Variants in TULP1 observed in about 807,000 individuals in gnomAD.
TULP1 encodes the protein tubby-related protein 1.
A neutral mutation model predicts 67.1 loss-of-function variants in TULP1; 50 were observed. That is an observed-to-expected ratio of 0.75 (90% CI 0.59 to 0.94). TULP1 has a LOEUF of 0.94. Among genes scored for constraint, TULP1 ranks in the 40% least tolerant of loss-of-function variants. TULP1 has a pLI of 0.00. For missense variants in TULP1, 746 were observed against 734.1 expected, an observed-to-expected ratio of 1.02 and a Z score of -0.19; for synonymous variants, 297 against 294.0, an observed-to-expected ratio of 1.01 and a Z score of -0.11.
chr6:35,511,799 C>T lies in TULP1; in HGVS notation c.198G>A (p.Arg66=), dbSNP rs1276396825. 2 of 1,553,634 alleles carry T rather than the reference C, an allele frequency of 1.3e-6. No homozygotes were observed. The highest frequency in any genetic ancestry group is 2.7e-5 in the African/African-American group (2 of 73,432). Reference sequence around the variant, plus strand: ...AAGGCTCCTCCCGCGGCCTCCCCGTCCGCCCAGCTGAGCCGAGATGCGGGG... The same window carrying T: ...AAGGCTCCTCCCGCGGCCTCCCCGTTCGCCCAGCTGAGCCGAGATGCGGGG... ...GSKPRKPGAG[R]TGRPREEPSP... is the part of the protein sequence containing the mutation. The change falls in exon 4 of 15, where the codon CGG becomes CGA. Residue 66 remains arginine (R), a synonymous_variant. Transcript: ENST00000229771.
chr6:35,498,982 C>T lies in TULP1; in HGVS notation c.1496-522G>A, dbSNP rs1768771497. Among the ~76,000 whole-genome samples, 1 of 152,130 alleles carries T rather than the reference C, an allele frequency of 6.6e-6. No individual in the cohort carries two copies. On this transcript the variant is annotated intron_variant, in intron 14 of 14. Transcript: ENST00000229771. This position sits in a 1 kb window ranked among gnomAD's most constrained non-coding sequence, Gnocchi z 6.7. Reference sequence around the variant, plus strand: ...TAGGGACAGGAAGTTGCTAAAAATACCCCCAAACTCAGGTGGACGAGGCTC... The same window carrying T: ...TAGGGACAGGAAGTTGCTAAAAATATCCCCAAACTCAGGTGGACGAGGCTC...
intron 10 of TULP1, 34 bp from the exon 11 acceptor site, chr6:35,505,887 A>G (rs2150925303): frequency 6.2e-7 from 1 of 1,614,154 alleles, no homozygotes; most frequent in East Asian, 2.2e-5. Flanking sequence ...AGAGGATGGG[A>G]AGAGAAGGTG....
chr6:35,505,025 G>A (rs753897288), intron 11 of TULP1, among the ~76,000 whole-genome samples: 3 of 152,008 alleles, frequency 2.0e-5, no homozygotes, highest in Admixed American at 6.5e-5. Context: ...CAACCTCCCC[G>A]TCTTGGGTTC....
At position 35,498,076 on chromosome 6, in the gene TULP1, A is replaced by G; in HGVS notation, c.*251T>C. On this transcript the variant is annotated 3_prime_UTR_variant, in exon 15 of 15. Transcript: ENST00000229771. The surrounding 1 kb of genome is among the most constrained non-coding windows in gnomAD (Gnocchi z 6.7). ...GGAGGGGGGCACAGCGGCGCAGGCG[A>G]GCTCCGAGACCAGATGTGCGGCTCC... 1 of 619,270 alleles carries G rather than the reference A, an allele frequency of 1.6e-6. No individual in the cohort carries two copies. Among genetic ancestry groups the G allele is most frequent in the Non-Finnish European group, 2.8e-6 (1 of 356,626 alleles). 38.4% of individuals were successfully genotyped at this position (619,270 alleles called of 1,614,324 possible).
chr6:35,506,403 T>C, intron 8 of TULP1, 124 bp from the exon 9 acceptor site: 1 of 1,228,886 alleles, frequency 8.1e-7, no homozygotes, highest in South Asian at 1.3e-5. Context: ...TCTGGGGAGC[T>C]CTGTGATTTA....
In TULP1 at chr6:35,510,937, C is replaced by T; in HGVS notation, c.423G>A (p.Leu141=). The T allele has an allele frequency of 6.2e-7, 1 of 1,613,624 alleles. No individual in the cohort carries two copies. The highest frequency in any genetic ancestry group is 1.3e-5 in the African/African-American group (1 of 75,022). Reference sequence around the variant, plus strand: ...TCTCTCTCAGGGGCTTCTTGGGAGGCAGAAGGATTTTCTCTTTCTTTTCCT... The same window carrying T: ...TCTCTCTCAGGGGCTTCTTGGGAGGTAGAAGGATTTTCTCTTTCTTTTCCT... The part of the protein sequence containing the change: ...EAEEKKEKIL[L]PPKKPLREKS... The change falls in exon 5 of 15, where the codon CTG becomes CTA. Residue 141 remains leucine, a synonymous_variant. Coordinates refer to ENST00000229771, the MANE Select transcript of TULP1 (RefSeq NM_003322.6).
In TULP1 at chr6:35,512,831, C is replaced by T; in HGVS notation, c.28G>A (p.Glu10Lys). The T allele has an allele frequency of 6.2e-7, 1 of 1,613,040 alleles. No homozygotes were observed. Among genetic ancestry groups the T allele is most frequent in the Non-Finnish European group, 8.5e-7 (1 of 1,179,906 alleles). The change falls in exon 1 of 15, where the codon GAG (glutamate) becomes AAG (lysine). Residue 10 changes from glutamate to lysine, a missense_variant. Physicochemically the swap from Glu to Lys is moderately conservative, Grantham distance 56. Transcript: ENST00000229771. MPLRDETLR[E>K]VWASDSGHEE... ...CCAGACCTGTCAGAGGCCCACACCT[C>T]TCGGAGGGTTTCATCCCGCAGAGGC...
intron 13 of TULP1, among the ~76,000 whole-genome samples, chr6:35,501,273 G>A (rs79722771): frequency 2.6e-5 from 4 of 152,034 alleles, no homozygotes; most frequent in Non-Finnish European, 2.9e-5. Context: ...TTGAGAAGCC[G>A]AGACGAGAGG....
intron 8 of TULP1, among the ~76,000 whole-genome samples, chr6:35,508,786 G>T (rs1017085124): frequency 2.6e-5 from 4 of 152,306 alleles, no homozygotes; most frequent in Middle Eastern, 3.4e-3. Context: ...TGGGTAAGGT[G>T]AGTGAAAGCG....
chr6:35,512,747 C>T, intron 1 of TULP1, 57 bp from the exon 2 acceptor site: 1 of 1,610,898 alleles, frequency 6.2e-7, no homozygotes, highest in Non-Finnish European at 8.5e-7. Flanking sequence ...CCATCCCACC[C>T]ACTCCCCATC....
At chr6:35,504,255 C>G in intron 11 of TULP1, 1 of 242,650 alleles carries the variant, frequency 4.1e-6, no homozygotes, top group Non-Finnish European at 8.2e-6. Context: ...GGGAGGATCA[C>G]TTGAGCCTGG....
At chr6:35,512,400 T>C in intron 2 of TULP1, 130 bp from the exon 3 acceptor site, 1 of 668,508 alleles carries the variant, frequency 1.5e-6, no homozygotes, top group Non-Finnish European at 2.5e-6. Context: ...GCCCCCTTCT[T>C]GGAGTGAGGC....
At chr6:35,510,798 A>G in intron 5 of TULP1, 63 bp downstream of exon 5, 1 of 1,609,544 alleles carries the variant, frequency 6.2e-7, no homozygotes, top group South Asian at 1.1e-5. Context: ...TGAGACGCCA[A>G]GCCCTCCAAG....
In TULP1 at chr6:35,503,014, T is replaced by C. The variant is rs1233941507; in HGVS notation, c.1323+545A>G. On this transcript the variant is annotated intron_variant, in intron 13 of 14. Coordinates refer to ENST00000229771, the MANE Select transcript of TULP1 (RefSeq NM_003322.6). The surrounding 1 kb of genome is among the most constrained non-coding windows in gnomAD (Gnocchi z 4.0). ...GTGCAGTGGCACCATCTCGGCTTAC[T>C]GCAAGCTCCGCCTCCCAGGTTCACG... Among the ~76,000 whole-genome samples the C allele has an allele frequency of 6.6e-6, 1 of 152,164 alleles. No homozygotes were observed. The highest frequency in any genetic ancestry group is 1.5e-5 in the Non-Finnish European group (1 of 68,018).
rs781263341 is a variant in TULP1 at position 35,510,924 on chromosome 6, G to T, written c.436C>A (p.Pro146Thr). 104 of 1,613,578 alleles carry T rather than the reference G, an allele frequency of 6.4e-5. 4 individuals are homozygous for T. The South Asian group carries it at 1.1e-3, about 17-fold the overall frequency. The change falls in exon 5 of 15, where the codon CCC becomes ACC. Residue 146 changes from proline to threonine, a missense_variant. Around this residue, in one of 3 missense-constraint regions of TULP1, gnomAD observed 359 missense variants for 341.9 expected, o/e 1.05. Coordinates refer to ENST00000229771, the MANE Select transcript of TULP1 (RefSeq NM_003322.6). ...TCTGCGGAGCTCTTCTCTCTCAGGG[G>T]CTTCTTGGGAGGCAGAAGGATTTTC... The part of the protein sequence containing the change: ...KEKILLPPKK[P>T]LREKSSADLK...
intron 4 of TULP1, among the ~76,000 whole-genome samples, chr6:35,511,333 C>T (rs114333667): frequency 4.6e-5 from 7 of 152,152 alleles, no homozygotes; most frequent in African/African-American, 1.7e-4. Flanking sequence ...CTGTGCTTCT[C>T]CCTGACCTTG....
At position 35,512,803 on chromosome 6, in the gene TULP1, C is replaced by T. The variant is rs1454039197; in HGVS notation, c.47+9G>A. On this transcript the variant is annotated intron_variant, in intron 1 of 14. Transcript: ENST00000229771. ...GGTTCAGGTGCCACGAACTGGGGGC[C>T]TTCCAGACCTGTCAGAGGCCCACAC... 6.2e-7 allele frequency: 1 copy of T among 1,612,994 alleles called. No individual in the cohort carries two copies. Among genetic ancestry groups the T allele is most frequent in the Admixed American group, 1.7e-5 (1 of 59,998 alleles).
At chr6:35,511,590 C>T in intron 4 of TULP1, 58 bp downstream of exon 4, 1 of 1,563,622 alleles carries the variant, frequency 6.4e-7, no homozygotes, top group Non-Finnish European at 8.7e-7. Flanking sequence ...GTCCAGCCAG[C>T]CCCTTCTCTC....
intron 8 of TULP1, 28 bp from the exon 9 acceptor site, chr6:35,506,307 G>C: frequency 6.4e-7 from 1 of 1,555,666 alleles, no homozygotes; most frequent in Non-Finnish European, 8.7e-7. Flanking sequence ...AGAGAGGCTG[G>C]CTAGAGCAGG....
Sources: allele counts gnomAD v4.1 joint callset (sites outside exome capture counted in the v4.1 genomes callset), GRCh38; gene constraint gnomAD v4.1.1; regional missense constraint gnomAD v4.1.1; non-coding constraint Gnocchi (gnomAD v3.1); transcripts MANE v1.5; gene names NCBI Gene and HGNC (gene_info 2026-07-23, HGNC 2026-07-21).